HERC2: variants seen among roughly 807,000 people sequenced by gnomAD.
HERC2 encodes HECT and RLD domain containing E3 ubiquitin protein ligase 2, also known as E3 ubiquitin-protein ligase HERC2.
HERC2 carries 102 observed loss-of-function variants against 537.7 expected under a neutral mutation model. That is an observed-to-expected ratio of 0.19 (90% CI 0.16 to 0.22). HERC2 has a LOEUF of 0.22. HERC2 is among the 10% of genes least tolerant of loss of function. HERC2 has a pLI of 1.00. For missense variants in HERC2, 4,236 were observed against 6,198.2 expected, an observed-to-expected ratio of 0.68 and a Z score of 10.63; for synonymous variants, 2,224 against 2,466.2, an observed-to-expected ratio of 0.90 and a Z score of 2.91.
intron 48 of HERC2, among the ~76,000 whole-genome samples, chr15:28,199,095 C>T (rs1897641657): frequency 6.6e-6 from 1 of 151,462 alleles, no homozygotes; most frequent in Admixed American, 6.6e-5. Flanking sequence ...TACAATGAGC[C>T]AAGATCACAC....
intron 21 of HERC2, 103 bp downstream of exon 21, chr15:28,248,449 T>TA: frequency 1.3e-6 from 1 of 790,722 alleles, no homozygotes; most frequent in South Asian, 1.9e-5. Context: ...CATTTAGTAG[T>TA]ATAACAACTA....
intron 30 of HERC2, among the ~76,000 whole-genome samples, chr15:28,231,202 C>T (rs948075914): frequency 6.6e-6 from 1 of 152,192 alleles, no homozygotes; most frequent in Non-Finnish European, 1.5e-5. Context: ...CATGATAATA[C>T]ACCTGGGCAG....
At chr15:28,274,270 G>T (rs1227737634) in intron 7 of HERC2, 21 bp downstream of exon 7, 2 of 1,613,128 alleles carry the variant, frequency 1.2e-6, no homozygotes, top group East Asian at 2.2e-5. Flanking sequence ...CGTGCAGAAG[G>T]CAAGAAAGGA....
chr15:28,272,591 C>A (rs1023361777), intron 8 of HERC2, among the ~76,000 whole-genome samples: 22 of 151,530 alleles, frequency 1.5e-4, no homozygotes, highest in Non-Finnish European at 2.8e-4. Context: ...ATAAGAAAGA[C>A]CAGTTAAGAA....
chr15:28,113,823 C>A lies in HERC2; in HGVS notation c.13914-145G>T. The A allele has an allele frequency of 1.5e-6, 1 of 673,600 alleles. No homozygotes were observed. Among genetic ancestry groups the A allele is most frequent in the South Asian group, 1.7e-5 (1 of 58,206 alleles). 41.7% of individuals were successfully genotyped at this position (673,600 alleles called of 1,614,324 possible). A position where few individuals can be genotyped will look rare whatever the true frequency, so the allele number is the denominator to read the frequency against. On this transcript the variant is annotated intron_variant, in intron 90 of 92. Coordinates refer to ENST00000261609, the MANE Select transcript of HERC2 (RefSeq NM_004667.6). The surrounding 1 kb of genome is among the most constrained non-coding windows in gnomAD (Gnocchi z 7.0). ...AGCAGCTCCAGATGGCATGAGCATG[C>A]TTAGCAGCTCGGCACTGCAGAGCTT...
intron 44 of HERC2, among the ~76,000 whole-genome samples, chr15:28,208,245 C>T (rs1191156728): frequency 6.6e-6 from 1 of 152,228 alleles, no homozygotes; most frequent in Non-Finnish European, 1.5e-5. Flanking sequence ...CCACATTCTA[C>T]TGGACTTGCA....
In HERC2 at chr15:28,192,051, C is replaced by A. The variant is rs747042710; in HGVS notation, c.8361G>T (p.Lys2787Asn). ...MLLDSWSRMV[K>N]SLNVSSSVNQ... The stretch of plus-strand genomic sequence containing the variant: ...TCACGGAGGACGACACATTCAGGCT[C>A]TTCACCATGCGGGACCAGCTGTCCA... The change falls in exon 53 of 93, where the codon AAG becomes AAT. Residue 2787 changes from lysine (K) to asparagine (N), a missense_variant. Lys to Asn is a moderately conservative substitution (Grantham distance 94, BLOSUM62 0). Coordinates refer to ENST00000261609, the MANE Select transcript of HERC2 (RefSeq NM_004667.6). 2.1e-5 allele frequency: 34 copies of A among 1,614,102 alleles called. No individual in the cohort carries two copies. In the South Asian group the frequency reaches 3.6e-4, roughly 17 times the overall value.
chr15:28,282,800 C>G (rs532180078), intron 4 of HERC2, among the ~76,000 whole-genome samples: 1 of 151,844 alleles, frequency 6.6e-6, no homozygotes, highest in Non-Finnish European at 1.5e-5. Flanking sequence ...GGCATGGTGG[C>G]GGGCACCTAT....
In HERC2 at chr15:28,270,826, A is replaced by ACCT. The variant is rs779489847; in HGVS notation, c.1123_1125dup (p.Arg375dup). 6.2e-7 allele frequency: 1 copy of ACCT among 1,613,952 alleles called. No individual in the cohort carries two copies. Among genetic ancestry groups the ACCT allele is most frequent in the Non-Finnish European group, 8.5e-7 (1 of 1,179,850 alleles). ...TCGTTGTCTTGTGGAAGGGTGAGGT[A>ACCT]CCTCAGGAAACTCTCATTGGGGCTC... is the stretch of plus-strand genomic sequence containing the variant. On this transcript the variant is annotated inframe_insertion, in exon 10 of 93. Coordinates refer to ENST00000261609, the MANE Select transcript of HERC2 (RefSeq NM_004667.6).
intron 30 of HERC2, among the ~76,000 whole-genome samples, chr15:28,232,645 T>C (rs1301952435): frequency 6.6e-6 from 1 of 152,214 alleles, no homozygotes; most frequent in African/African-American, 2.4e-5. Context: ...TTCTAAGCAT[T>C]TTTATTCAAA....
chr15:28,253,985 T>A (rs1440330287), intron 20 of HERC2, among the ~76,000 whole-genome samples: 4 of 150,194 alleles, frequency 2.7e-5, no homozygotes, highest in Admixed American at 2.0e-4. Context: ...TAAAAAAAAA[T>A]AATAAGTACA....
rs979417619 is a variant in HERC2, at chr15:28,113,010, G to A, written c.14232+61C>T. ...TGTGCTGCAGGACTGTGGGTGAGGA[G>A]CCAGCCACCCACCGTCGGCCGACAT... On this transcript the variant is annotated intron_variant, in intron 92 of 92. Transcript: ENST00000261609. This position sits in a 1 kb window ranked among gnomAD's most constrained non-coding sequence, Gnocchi z 7.0. The A allele has an allele frequency of 3.5e-6, 5 of 1,416,418 alleles. No homozygotes were observed. Among genetic ancestry groups the A allele is most frequent in the Middle Eastern group, 2.1e-4 (1 of 4,812 alleles). The allele number at this position is 1,416,418 out of a possible 1,614,324, so 87.7% of individuals were successfully genotyped here.
In HERC2 at chr15:28,255,862, A is replaced by G. The variant is rs779178646; in HGVS notation, c.2871+10T>C. On this transcript the variant is annotated intron_variant, in intron 19 of 92. Coordinates refer to ENST00000261609, the MANE Select transcript of HERC2 (RefSeq NM_004667.6). ...GCACCACCAGGTCACGTGTGCCTCC[A>G]AAGCCATACCTGGATCTCTGCAGTA... The G allele has an allele frequency of 6.3e-7, 1 of 1,598,100 alleles. No homozygotes were observed. The highest frequency in any genetic ancestry group is 2.2e-5 in the East Asian group (1 of 44,868).
intron 1 of HERC2, 76 bp from the exon 2 acceptor site, chr15:28,321,540 A>C: frequency 2.8e-6 from 2 of 704,544 alleles, no homozygotes; most frequent in Non-Finnish European, 4.5e-6. Flanking sequence ...GCCAGAAAAG[A>C]AAAAAGAGAG....
intron 86 of HERC2, chr15:28,117,566 A>G: frequency 2.1e-6 from 1 of 482,354 alleles, no homozygotes; most frequent in Non-Finnish European, 4.1e-6. Context: ...CAGGAACTCC[A>G]AAAGCAGCTC....
At position 28,144,161 on chromosome 15, in the gene HERC2, A is replaced by T. The variant is rs1370810122; in HGVS notation, c.11215T>A (p.Phe3739Ile). The part of the protein sequence containing the change: ...SMDLVTCLLD[F>I]RLNLASNRSI... ...CTGTTAGAGGCAAGGTTGAGTCGGAAGTCTAACAGACACGTCACCAAGTCC... is the reference window on the plus strand; with the variant it reads ...CTGTTAGAGGCAAGGTTGAGTCGGATGTCTAACAGACACGTCACCAAGTCC... The change falls in exon 73 of 93, where the codon TTC (phenylalanine) becomes ATC (isoleucine). Residue 3739 changes from phenylalanine (F) to isoleucine (I), a missense_variant. Physicochemically the swap from Phe to Ile is conservative, Grantham distance 21 (BLOSUM62 0). Transcript: ENST00000261609. 1 of 1,614,228 alleles carries T rather than the reference A, an allele frequency of 6.2e-7. No homozygotes were observed. The highest frequency in any genetic ancestry group is 8.5e-7 in the Non-Finnish European group (1 of 1,180,038).
At chr15:28,146,025 T>G (rs1214721492) in intron 71 of HERC2, among the ~76,000 whole-genome samples, 1 of 152,198 alleles carries the variant, frequency 6.6e-6, no homozygotes, top group Non-Finnish European at 1.5e-5. Flanking sequence ...CCGACAGGGA[T>G]GTGGTACATA....
At chr15:28,154,771 ATTTT>A (rs781136673) in intron 69 of HERC2, among the ~76,000 whole-genome samples, 1 of 152,084 alleles carries the variant, frequency 6.6e-6, no homozygotes, top group African/African-American at 2.4e-5. Context: ...TTATATATAT[ATTTT>A]TTTATTATAC....
chr15:28,256,631 CTCAA>C (rs1419432578), intron 17 of HERC2, among the ~76,000 whole-genome samples: 2 of 152,182 alleles, frequency 1.3e-5, no homozygotes, highest in Non-Finnish European at 2.9e-5. Flanking sequence ...ACAGCTACAA[CTCAA>C]CCAAAAAAGC....
Sources: allele counts gnomAD v4.1 joint callset (sites outside exome capture counted in the v4.1 genomes callset), GRCh38; gene constraint gnomAD v4.1.1; non-coding constraint Gnocchi (gnomAD v3.1); transcripts MANE v1.5; gene names NCBI Gene and HGNC (gene_info 2026-07-23, HGNC 2026-07-21).